Variants in PTGFRN observed in about 807,000 individuals in gnomAD.
PTGFRN encodes the protein prostaglandin F2 receptor negative regulator.
Under a neutral mutation model 83.2 loss-of-function variants are expected in PTGFRN, and 35 were observed. The ratio of observed to expected loss-of-function variants is 0.42; its 90% CI spans 0.32 to 0.56. The LOEUF is 0.56. PTGFRN is among the 20% of genes least tolerant of loss of function. The pLI is 0.11. For missense variants in PTGFRN, 1,051 were observed against 1,179.5 expected, an observed-to-expected ratio of 0.89 and a Z score of 1.60; for synonymous variants, 519 against 498.6, an observed-to-expected ratio of 1.04 and a Z score of -0.55.
chr1:116,946,370 A>G (rs548161376), intron 3 of PTGFRN, among the ~76,000 whole-genome samples: 4 of 152,298 alleles, frequency 2.6e-5, no homozygotes, highest in Admixed American at 6.5e-5. Context: ...ATTACTGGTC[A>G]GTCTGGGCTC....
chr1:116,977,007 C>T (rs973341463), intron 7 of PTGFRN, among the ~76,000 whole-genome samples: 1 of 151,720 alleles, frequency 6.6e-6, no homozygotes, highest in Non-Finnish European at 1.5e-5. Flanking sequence ...CACATAGGCT[C>T]AAAATAAAGG....
intron 6 of PTGFRN, among the ~76,000 whole-genome samples, chr1:116,968,496 G>A (rs1178663254): frequency 6.6e-6 from 1 of 152,002 alleles, no homozygotes; most frequent in African/African-American, 2.4e-5. Context: ...TTTGGAGAAA[G>A]CATAGGCCTC....
At chr1:116,956,236 GAAT>G (rs1301466932) in intron 4 of PTGFRN, among the ~76,000 whole-genome samples, 46 of 152,174 alleles carry the variant, frequency 3.0e-4, no homozygotes, top group Non-Finnish European at 1.2e-4. Flanking sequence ...CACAAGCCAA[GAAT>G]CCACTTATTT....
intron 6 of PTGFRN, among the ~76,000 whole-genome samples, chr1:116,970,548 G>C (rs936853705): frequency 1.3e-5 from 2 of 152,162 alleles, no homozygotes; most frequent in African/African-American, 4.8e-5. Flanking sequence ...TTCTGGGTGA[G>C]GAATGGATGT....
At chr1:116,979,136 T>C (rs1651239235) in intron 7 of PTGFRN, among the ~76,000 whole-genome samples, 1 of 152,062 alleles carries the variant, frequency 6.6e-6, no homozygotes, top group African/African-American at 2.4e-5. Flanking sequence ...TCAAAGAGAA[T>C]AAAATACCTA....
intron 2 of PTGFRN, among the ~76,000 whole-genome samples, chr1:116,942,974 G>T (rs1650097240): frequency 6.6e-6 from 1 of 152,164 alleles, no homozygotes; most frequent in Admixed American, 6.5e-5. Context: ...TTAATTTGGG[G>T]CTAAGAAAAT....
intron 1 of PTGFRN, among the ~76,000 whole-genome samples, chr1:116,937,840 C>T (rs952765423): frequency 1.7e-4 from 26 of 152,108 alleles, no homozygotes; most frequent in African/African-American, 5.8e-4. Context: ...AGCACATAAC[C>T]GCAGCCCCTT....
intron 1 of PTGFRN, among the ~76,000 whole-genome samples, chr1:116,928,390 C>G: frequency 1.3e-5 from 2 of 152,322 alleles, no homozygotes; most frequent in Middle Eastern, 6.8e-3. Flanking sequence ...TTCAGTCCAT[C>G]AGGCCATTCT....
chr1:116,939,304 C>A (rs1373580896), intron 1 of PTGFRN, among the ~76,000 whole-genome samples: 1 of 152,268 alleles, frequency 6.6e-6, no homozygotes, highest in Non-Finnish European at 1.5e-5. Context: ...CAACAAACTT[C>A]TGCCTTTCAT....
intron 2 of PTGFRN, among the ~76,000 whole-genome samples, chr1:116,942,493 G>A (rs1024524200): frequency 2.6e-5 from 4 of 152,208 alleles, no homozygotes; most frequent in African/African-American, 9.7e-5. Context: ...TAACCTTAAA[G>A]GTTGTGAGGA....
chr1:116,972,257 T>TC (rs1408270447), intron 6 of PTGFRN, among the ~76,000 whole-genome samples: 1 of 152,156 alleles, frequency 6.6e-6, no homozygotes, highest in Admixed American at 6.5e-5. Context: ...TTCATCCCTT[T>TC]CCCCATTTCC....
Position 116,986,995 on chromosome 1 carries a change from G to A in PTGFRN, c.*28G>A, listed in dbSNP as rs767465917. ...TGGCCCGGGAGGGGAGTGACAGAGG[G>A]ACGTTCTAGGAGCAATTGGGGCAAG... On this transcript the variant is annotated 3_prime_UTR_variant, in exon 9 of 9. Transcript: ENST00000393203. The A allele has an allele frequency of 6.2e-7, 1 of 1,613,328 alleles. No individual in the cohort carries two copies. Among genetic ancestry groups the A allele is most frequent in the Non-Finnish European group, 8.5e-7 (1 of 1,179,732 alleles).
In PTGFRN at chr1:116,918,678, C is replaced by T. The variant is rs139145382; in HGVS notation, c.49+8426C>T. ...GAGAGTGGGCTGGGGCTGGACCCCA[C>T]GGGAATGTGACAGTCATTCAGTTAG... On this transcript the variant is annotated intron_variant, in intron 1 of 8. Transcript: ENST00000393203. The surrounding 1 kb of genome is among the most constrained non-coding windows in gnomAD (Gnocchi z 4.1). Among the ~76,000 whole-genome samples, 3 of 152,170 alleles carry T rather than the reference C, an allele frequency of 2.0e-5. No homozygotes were observed. The highest frequency in any genetic ancestry group is 2.9e-5 in the Non-Finnish European group (2 of 68,020).
At chr1:116,935,579 T>C (rs1328882022) in intron 1 of PTGFRN, among the ~76,000 whole-genome samples, 1 of 152,204 alleles carries the variant, frequency 6.6e-6, no homozygotes, top group Non-Finnish European at 1.5e-5. Flanking sequence ...TATTGGTCTT[T>C]TGAAATTTAA....
chr1:116,984,519 A>G (rs1272324973), intron 7 of PTGFRN, among the ~76,000 whole-genome samples, 161 bp from the exon 8 acceptor site: 1 of 152,120 alleles, frequency 6.6e-6, no homozygotes, highest in African/African-American at 2.4e-5. Context: ...TAAAAGTATG[A>G]TAGTGCCTTC....
intron 6 of PTGFRN, among the ~76,000 whole-genome samples, chr1:116,972,146 G>A (rs1396932915): frequency 6.6e-6 from 1 of 152,240 alleles, no homozygotes; most frequent in East Asian, 1.9e-4. Context: ...GCTCCAGGCA[G>A]AGCAAGTCCA....
chr1:116,945,274 A>T (rs980818591), intron 3 of PTGFRN, among the ~76,000 whole-genome samples, 182 bp downstream of exon 3: 2 of 152,082 alleles, frequency 1.3e-5, no homozygotes, highest in Non-Finnish European at 2.9e-5. Flanking sequence ...GCGGGGTTAC[A>T]TTTGTTTTGT....
At chr1:116,942,239 T>G (rs1320257175) in intron 2 of PTGFRN, among the ~76,000 whole-genome samples, 156 bp downstream of exon 2, 1 of 152,142 alleles carries the variant, frequency 6.6e-6, no homozygotes, top group Non-Finnish European at 1.5e-5. Context: ...GTCTTAAAAT[T>G]TAAAAATCAT....
chr1:116,951,053 A>G (rs144772204), intron 4 of PTGFRN, among the ~76,000 whole-genome samples: 1 of 152,232 alleles, frequency 6.6e-6, no homozygotes, highest in African/African-American at 2.4e-5. Flanking sequence ...GGTGCTGTCA[A>G]ATCCCAGCAC....
Sources: allele counts gnomAD v4.1 joint callset (sites outside exome capture counted in the v4.1 genomes callset), GRCh38; gene constraint gnomAD v4.1.1; non-coding constraint Gnocchi (gnomAD v3.1); transcripts MANE v1.5; gene names NCBI Gene and HGNC (gene_info 2026-07-23, HGNC 2026-07-21).